EIF4G3: variants seen among roughly 807,000 people sequenced by gnomAD.
EIF4G3 encodes the protein eukaryotic translation initiation factor 4 gamma 3.
Under a neutral mutation model 186.4 loss-of-function variants are expected in EIF4G3, and 34 were observed. That is an observed-to-expected ratio of 0.18 (90% CI 0.14 to 0.24). The LOEUF (loss-of-function observed/expected upper bound fraction) is 0.24, where lower values mean the gene tolerates loss of function less well. Among genes scored for constraint, EIF4G3 ranks in the 10% least tolerant of loss-of-function variants. The probability of loss-of-function intolerance (pLI) is 1.00; values close to 1 mark genes in which losing one functional copy is unlikely to be tolerated. For missense variants in EIF4G3, 1,536 were observed against 1,948.5 expected, an observed-to-expected ratio of 0.79 and a Z score of 3.99; for synonymous variants, 673 against 679.5, an observed-to-expected ratio of 0.99 and a Z score of 0.15.
chr1:20,989,927 A>G (rs1298871282), intron 7 of EIF4G3, among the ~76,000 whole-genome samples: 2 of 152,220 alleles, frequency 1.3e-5, no homozygotes, highest in African/African-American at 4.8e-5. Flanking sequence ...CTGTAATCCC[A>G]GCACTTTGGG....
chr1:20,989,640 C>G (rs1294987759), intron 7 of EIF4G3, among the ~76,000 whole-genome samples: 1 of 136,028 alleles, frequency 7.4e-6, no homozygotes, highest in Non-Finnish European at 1.6e-5. Flanking sequence ...AAAACCTGAA[C>G]AAATGAGGAC....
chr1:21,138,139 C>T (rs532588490), intron 2 of EIF4G3, among the ~76,000 whole-genome samples: 3 of 152,252 alleles, frequency 2.0e-5, no homozygotes, highest in South Asian at 2.1e-4. Context: ...CAACATCAAA[C>T]GTAAGCTCTT....
chr1:20,908,623 C>T (rs2092676279), intron 14 of EIF4G3, among the ~76,000 whole-genome samples: 1 of 152,096 alleles, frequency 6.6e-6, no homozygotes, highest in East Asian at 1.9e-4. Context: ...CAAGTCATCC[C>T]CATAAATGGA....
chr1:21,003,311 C>G (rs1021792174), intron 4 of EIF4G3, among the ~76,000 whole-genome samples: 11 of 151,276 alleles, frequency 7.3e-5, no homozygotes, highest in Non-Finnish European at 1.3e-4. Context: ...GAGACAGAGT[C>G]TTGATATTTG....
chr1:21,176,593 T>G lies in EIF4G3; in HGVS notation c.-456+129A>C, dbSNP rs1443808873. 6.6e-4 allele frequency: 101 copies of G among 153,520 alleles called. No homozygotes were observed. The highest frequency in any genetic ancestry group is 3.4e-3 in the Middle Eastern group (1 of 294). The allele number at this position is 153,520 out of a possible 1,614,324, so 9.5% of individuals were successfully genotyped here. A position where few individuals can be genotyped will look rare whatever the true frequency, so the allele number is the denominator to read the frequency against. Reference sequence around the variant, plus strand: ...CGCCGCCGCCGCCGCCGCCGCCGCCTCCGCCGCCGCCGCCGCCGGCAGCAG... The same window carrying G: ...CGCCGCCGCCGCCGCCGCCGCCGCCGCCGCCGCCGCCGCCGCCGGCAGCAG... On this transcript the variant is annotated intron_variant, in intron 1 of 36. Coordinates refer to ENST00000602326, the MANE Select transcript of EIF4G3 (RefSeq NM_001391906.1).
At chr1:20,929,050 T>C (rs962407212) in intron 14 of EIF4G3, among the ~76,000 whole-genome samples, 4 of 152,250 alleles carry the variant, frequency 2.6e-5, no homozygotes, top group South Asian at 2.1e-4. Flanking sequence ...TTGTACACCA[T>C]GTGAATTTCA....
chr1:21,019,463 C>G (rs918667693), intron 4 of EIF4G3, among the ~76,000 whole-genome samples: 1 of 152,196 alleles, frequency 6.6e-6, no homozygotes, highest in Non-Finnish European at 1.5e-5. Flanking sequence ...CCATCCAACA[C>G]AGATCTTAAA....
chr1:20,907,270 C>T (rs1205406313), intron 14 of EIF4G3, among the ~76,000 whole-genome samples: 1 of 152,110 alleles, frequency 6.6e-6, no homozygotes, highest in African/African-American at 2.4e-5. Context: ...ATTACCTGGA[C>T]TCCCCCACCT....
At chr1:20,864,360 G>A in intron 22 of EIF4G3, 116 bp downstream of exon 22, 2 of 794,752 alleles carry the variant, frequency 2.5e-6, no homozygotes, top group South Asian at 1.7e-5. Context: ...GGCAAAAGAA[G>A]AAAAATAAAC....
At chr1:20,916,806 C>T (rs2093930186) in intron 14 of EIF4G3, among the ~76,000 whole-genome samples, 1 of 152,148 alleles carries the variant, frequency 6.6e-6, no homozygotes, top group Non-Finnish European at 1.5e-5. Context: ...AATCGACTCT[C>T]ATTATGTATG....
chr1:20,886,884 T>A (rs1053045489), intron 18 of EIF4G3, among the ~76,000 whole-genome samples: 2 of 152,038 alleles, frequency 1.3e-5, no homozygotes, highest in African/African-American at 4.8e-5. Context: ...TCAATGAGAG[T>A]CAAACTAAAT....
At chr1:20,854,062 T>C (rs1261677909) in intron 26 of EIF4G3, among the ~76,000 whole-genome samples, 1 of 152,052 alleles carries the variant, frequency 6.6e-6, no homozygotes, top group Non-Finnish European at 1.5e-5. Flanking sequence ...TTTTAAAATT[T>C]AAAGAAAAAA....
At position 20,893,810 on chromosome 1, in the gene EIF4G3, C is replaced by G. The variant is rs1291752972; in HGVS notation, c.2134-174G>C. Among the ~76,000 whole-genome samples the G allele has an allele frequency of 1.1e-4, 16 of 150,908 alleles. No homozygotes were observed. In the Admixed American group the frequency reaches 1.1e-3, roughly 10 times the overall value. On this transcript the variant is annotated intron_variant, in intron 17 of 36. Coordinates refer to ENST00000602326, the MANE Select transcript of EIF4G3 (RefSeq NM_001391906.1). Reference sequence around the variant, plus strand: ...AGCTTCTCCTGGGCTACTCTTAGAGCCATTAGGCTAAAACAATGGTTTTCT... The same window carrying G: ...AGCTTCTCCTGGGCTACTCTTAGAGGCATTAGGCTAAAACAATGGTTTTCT...
At chr1:21,016,068 C>T (rs1259943835) in intron 4 of EIF4G3, among the ~76,000 whole-genome samples, 1 of 152,068 alleles carries the variant, frequency 6.6e-6, no homozygotes, top group African/African-American at 2.4e-5. Context: ...TATTCTTTTA[C>T]AGGATTTTAA....
chr1:21,086,070 A>G (rs1298360680), intron 3 of EIF4G3, among the ~76,000 whole-genome samples: 2 of 152,158 alleles, frequency 1.3e-5, no homozygotes, highest in Admixed American at 1.3e-4. Context: ...GGGTGACCAG[A>G]TAATTTATAA....
At chr1:21,083,447 G>C (rs1007432903) in intron 3 of EIF4G3, among the ~76,000 whole-genome samples, 2 of 151,522 alleles carry the variant, frequency 1.3e-5, no homozygotes, top group Middle Eastern at 3.4e-3. Context: ...CAAAGTGCTA[G>C]GATTACAGGC....
At position 20,998,793 on chromosome 1, in the gene EIF4G3, G is replaced by C. The variant is rs1460359963; in HGVS notation, c.145-1160C>G. ...GTAATGTTAACCACTCCCTTTAATA[G>C]TAAAAGAAAATATTTAGAAAGCAGT... On this transcript the variant is annotated intron_variant, in intron 6 of 36. Coordinates refer to ENST00000602326, the MANE Select transcript of EIF4G3 (RefSeq NM_001391906.1). 13 of 410,688 alleles carry C rather than the reference G, an allele frequency of 3.2e-5. No homozygotes were observed. In the Admixed American group the frequency reaches 3.7e-4, roughly 12 times the overall value. The allele number at this position is 410,688 out of a possible 1,614,324, so 25.4% of individuals were successfully genotyped here.
At chr1:21,021,422 T>C (rs573829269) in intron 4 of EIF4G3, among the ~76,000 whole-genome samples, 1 of 152,310 alleles carries the variant, frequency 6.6e-6, no homozygotes, top group Non-Finnish European at 1.5e-5. Context: ...ACTCACAATT[T>C]CTCAGACAAT....
chr1:20,912,588 C>T (rs540197138), intron 14 of EIF4G3, among the ~76,000 whole-genome samples: 1 of 152,324 alleles, frequency 6.6e-6, no homozygotes, highest in Non-Finnish European at 1.5e-5. Flanking sequence ...CACTAATGCT[C>T]AGGGAACAGC....
Sources: allele counts gnomAD v4.1 joint callset (sites outside exome capture counted in the v4.1 genomes callset), GRCh38; gene constraint gnomAD v4.1.1; transcripts MANE v1.5; gene names NCBI Gene and HGNC (gene_info 2026-07-23, HGNC 2026-07-21).